FMNL2: variants seen among roughly 807,000 people sequenced by gnomAD.
FMNL2 encodes formin like 2, also known as formin-like protein 2.
FMNL2 carries 51 observed loss-of-function variants against 130.2 expected under a neutral mutation model. The observed-to-expected ratio is 0.39, with a 90% CI of 0.31 to 0.49. The LOEUF (loss-of-function observed/expected upper bound fraction) is 0.49, where lower values mean the gene tolerates loss of function less well. Among genes scored for constraint, FMNL2 ranks in the 20% least tolerant of loss-of-function variants. The pLI, the probability that FMNL2 is intolerant of heterozygous loss-of-function variation, is 0.85. For synonymous variants in FMNL2, 465 were observed against 467.1 expected (o/e 1.00, Z 0.06); for missense variants, 977 against 1,316.2 (o/e 0.74, Z 3.99).
intron 1 of FMNL2, among the ~76,000 whole-genome samples, chr2:152,341,784 T>A (rs1462591950): frequency 6.6e-6 from 1 of 152,016 alleles, no homozygotes; most frequent in Non-Finnish European, 1.5e-5. Flanking sequence ...GTCTAAAGAG[T>A]AGAATTCCCC....
chr2:152,536,412 T>C (rs921737257), intron 2 of FMNL2, among the ~76,000 whole-genome samples: 1 of 152,232 alleles, frequency 6.6e-6, no homozygotes, highest in Non-Finnish European at 1.5e-5. Context: ...GGTTGTAATA[T>C]TGGCTCATTT....
At chr2:152,599,423 T>TTTC (rs1362656650) in intron 9 of FMNL2, among the ~76,000 whole-genome samples, 1 of 139,534 alleles carries the variant, frequency 7.2e-6, no homozygotes, top group East Asian at 2.0e-4. Context: ...TTTTTTTTTT[T>TTTC]TTTTTTTTTT....
At chr2:152,490,983 T>C (rs1214132521) in intron 1 of FMNL2, among the ~76,000 whole-genome samples, 1 of 152,132 alleles carries the variant, frequency 6.6e-6, no homozygotes, top group Admixed American at 6.5e-5. Flanking sequence ...AATGCTGCTG[T>C]CTATTAAGCC....
intron 1 of FMNL2, among the ~76,000 whole-genome samples, chr2:152,384,391 G>C (rs1397043220): frequency 1.3e-5 from 2 of 152,184 alleles, no homozygotes; most frequent in East Asian, 3.9e-4. Flanking sequence ...TGTTGAGGTA[G>C]GGCCTGGGCA....
intron 7 of FMNL2, among the ~76,000 whole-genome samples, chr2:152,577,789 G>A (rs1237321077): frequency 1.3e-5 from 2 of 152,166 alleles, no homozygotes; most frequent in Non-Finnish European, 2.9e-5. Flanking sequence ...TTGGGATGGT[G>A]GGGGTGAAAT....
intron 4 of FMNL2, among the ~76,000 whole-genome samples, chr2:152,557,347 G>A (rs1284927852): frequency 1.3e-5 from 2 of 152,094 alleles, no homozygotes; most frequent in Non-Finnish European, 2.9e-5. Context: ...TGCCACTCCA[G>A]GTCTCTCTTA....
intron 2 of FMNL2, among the ~76,000 whole-genome samples, chr2:152,535,058 A>G (rs1693924480): frequency 6.6e-6 from 1 of 152,228 alleles, no homozygotes; most frequent in South Asian, 2.1e-4. Flanking sequence ...AACGGAGGAA[A>G]GAGGTACACA....
chr2:152,430,950 G>T (rs773923214), intron 1 of FMNL2, among the ~76,000 whole-genome samples: 1 of 151,884 alleles, frequency 6.6e-6, no homozygotes, highest in Non-Finnish European at 1.5e-5. Flanking sequence ...TATTTTTGCT[G>T]ATTGATGTTT....
intron 1 of FMNL2, among the ~76,000 whole-genome samples, chr2:152,451,642 G>A (rs1229621047): frequency 6.6e-6 from 1 of 152,130 alleles, no homozygotes. Flanking sequence ...TCTATAGTCA[G>A]TCAGTGGCCA....
chr2:152,641,862 A>G (rs1683109048), intron 25 of FMNL2, among the ~76,000 whole-genome samples: 1 of 152,226 alleles, frequency 6.6e-6, no homozygotes, highest in Admixed American at 6.5e-5. Flanking sequence ...GAATCCCTTA[A>G]TATCAAATAT....
At position 152,522,039 on chromosome 2, in the gene FMNL2, G is replaced by A; in HGVS notation, c.201+13G>A. On this transcript the variant is annotated intron_variant, in intron 2 of 25. Coordinates refer to ENST00000288670, the MANE Select transcript of FMNL2 (RefSeq NM_052905.4). ...GATTTGTGATCAGGTAAGAAACAGT[G>A]ACACTTTCTTTTATGAAAAAAGTAA... 1 of 1,592,596 alleles carries A rather than the reference G, an allele frequency of 6.3e-7. No individual in the cohort carries two copies. Among genetic ancestry groups the A allele is most frequent in the Non-Finnish European group, 8.6e-7 (1 of 1,168,892 alleles).
intron 1 of FMNL2, among the ~76,000 whole-genome samples, chr2:152,403,062 C>T (rs535452252): frequency 1.3e-5 from 2 of 152,144 alleles, no homozygotes; most frequent in South Asian, 4.2e-4. Context: ...TGAGATTTGT[C>T]TGTTGTTTTT....
chr2:152,537,005 C>G (rs1469958693), intron 2 of FMNL2, among the ~76,000 whole-genome samples: 1 of 152,150 alleles, frequency 6.6e-6, no homozygotes, highest in Non-Finnish European at 1.5e-5. Flanking sequence ...GTCCAAATTT[C>G]AAACCTTTAC....
chr2:152,523,000 C>T (rs969412200), intron 2 of FMNL2, among the ~76,000 whole-genome samples: 11 of 152,036 alleles, frequency 7.2e-5, no homozygotes, highest in East Asian at 3.9e-4. Flanking sequence ...AGGACACCCC[C>T]GGGCCCCAAT....
intron 1 of FMNL2, among the ~76,000 whole-genome samples, chr2:152,354,400 A>G (rs1263170968): frequency 2.0e-5 from 3 of 152,200 alleles, no homozygotes; most frequent in East Asian, 3.8e-4. Context: ...ATTGTTCAAT[A>G]AAAGATGCAT....
chr2:152,515,036 CTG>C (rs1692686213), intron 1 of FMNL2, among the ~76,000 whole-genome samples: 1 of 152,130 alleles, frequency 6.6e-6, no homozygotes, highest in African/African-American at 2.4e-5. Flanking sequence ...AATAACTTAG[CTG>C]AGATGACACT....
chr2:152,357,906 AG>A (rs1449730189), intron 1 of FMNL2, among the ~76,000 whole-genome samples: 1 of 152,204 alleles, frequency 6.6e-6, no homozygotes, highest in Non-Finnish European at 1.5e-5. Flanking sequence ...ATTGGATTGA[AG>A]GATGCAAAGT....
chr2:152,503,483 AC>A (rs1691973871), intron 1 of FMNL2, among the ~76,000 whole-genome samples: 1 of 152,140 alleles, frequency 6.6e-6, no homozygotes, highest in Non-Finnish European at 1.5e-5. Context: ...GGATAAACTG[AC>A]TTAGAGTTCT....
At chr2:152,492,768 G>T (rs1288297261) in intron 1 of FMNL2, among the ~76,000 whole-genome samples, 1 of 152,122 alleles carries the variant, frequency 6.6e-6, no homozygotes, top group Non-Finnish European at 1.5e-5. Context: ...TAAGCAGATC[G>T]GTTATCGTTC....
Sources: gnomAD v4.1 joint callset for allele counts (sites outside exome capture counted in the v4.1 genomes callset) on GRCh38, gnomAD v4.1.1 for gene constraint, MANE v1.5 for transcripts, NCBI Gene and HGNC (gene_info 2026-07-23, HGNC 2026-07-21) for gene names.